Variants in PRKG1 observed in about 807,000 individuals in gnomAD.
PRKG1 encodes the protein protein kinase cGMP-dependent 1, also known as cGMP-dependent protein kinase 1.
A neutral mutation model predicts 88.1 loss-of-function variants in PRKG1; 35 were observed. The ratio of observed to expected loss-of-function variants is 0.40; its 90% CI spans 0.30 to 0.53. The LOEUF is 0.53. PRKG1 is among the 20% of genes least tolerant of loss of function. The probability of loss-of-function intolerance (pLI) is 0.59; values close to 1 mark genes in which losing one functional copy is unlikely to be tolerated. For missense variants in PRKG1, 540 were observed against 839.8 expected (o/e 0.64, Z 4.41); for synonymous variants, 303 against 292.5 (o/e 1.04, Z -0.37).
chr10:51,336,501 C>A (rs1424477131), intron 2 of PRKG1, among the ~76,000 whole-genome samples: 1 of 152,190 alleles, frequency 6.6e-6, no homozygotes, highest in Non-Finnish European at 1.5e-5. Context: ...TCCTCTCCCC[C>A]TCTTATGGCA....
intron 3 of PRKG1, among the ~76,000 whole-genome samples, chr10:51,702,328 A>C (rs1300235966): frequency 6.6e-6 from 1 of 152,176 alleles, no homozygotes; most frequent in African/African-American, 2.4e-5. Context: ...CCCACCATGT[A>C]ATTCCATGCC....
chr10:52,071,446 G>A (rs960403880), intron 7 of PRKG1, among the ~76,000 whole-genome samples: 29 of 152,238 alleles, frequency 1.9e-4, no homozygotes, highest in Non-Finnish European at 3.1e-4. Flanking sequence ...GCCTCCAGCT[G>A]CATCCTATGT....
chr10:52,213,494 C>T (rs1840034813), intron 9 of PRKG1, among the ~76,000 whole-genome samples: 1 of 152,198 alleles, frequency 6.6e-6, no homozygotes, highest in Non-Finnish European at 1.5e-5. Context: ...TTTAACATAG[C>T]AGCAATGCAT....
chr10:51,201,352 C>T (rs145766526), intron 2 of PRKG1, among the ~76,000 whole-genome samples: 6 of 151,868 alleles, frequency 4.0e-5, no homozygotes, highest in South Asian at 2.1e-4. Flanking sequence ...CTCAGGGGGC[C>T]GAGGCAGGAG....
chr10:52,191,508 T>A (rs1202404994), intron 9 of PRKG1, among the ~76,000 whole-genome samples: 1 of 152,102 alleles, frequency 6.6e-6, no homozygotes, highest in East Asian at 1.9e-4. Context: ...CTGGTGTAAA[T>A]CCACTCTTCC....
chr10:51,935,084 C>T (rs1842774512), intron 5 of PRKG1, among the ~76,000 whole-genome samples: 1 of 152,070 alleles, frequency 6.6e-6, no homozygotes, highest in African/African-American at 2.4e-5. Context: ...AAAACTACCT[C>T]TTCCTGCCCA....
At chr10:51,322,831 T>C (rs942827862) in intron 2 of PRKG1, among the ~76,000 whole-genome samples, 1 of 152,342 alleles carries the variant, frequency 6.6e-6, no homozygotes, top group African/African-American at 2.4e-5. Context: ...CAAAAGCTCA[T>C]GCACACTAAG....
intron 2 of PRKG1, among the ~76,000 whole-genome samples, chr10:51,277,043 A>G (rs1840142344): frequency 6.6e-6 from 1 of 152,202 alleles, no homozygotes; most frequent in Non-Finnish European, 1.5e-5. Flanking sequence ...GCCCATGCCT[A>G]TGTCCTGAAT....
At chr10:51,071,305 A>G (rs1490732753), upstream of PRKG1, among the ~76,000 whole-genome samples, 1 of 152,220 alleles carries the variant, frequency 6.6e-6, no homozygotes, top group African/African-American at 2.4e-5. Flanking sequence ...TCATTGAAAA[A>G]CATACTTAAA....
intron 5 of PRKG1, among the ~76,000 whole-genome samples, chr10:51,998,581 A>G (rs576967102): frequency 6.6e-6 from 1 of 152,206 alleles, no homozygotes; most frequent in South Asian, 2.1e-4. Context: ...ATGCTGTTGC[A>G]AACAGATGTC....
chr10:51,868,667 A>C (rs1841079944), intron 4 of PRKG1, among the ~76,000 whole-genome samples: 1 of 152,092 alleles, frequency 6.6e-6, no homozygotes, highest in Non-Finnish European at 1.5e-5. Flanking sequence ...TTGTGCCAAC[A>C]TACTTAGAGA....
chr10:51,051,543 T>A (rs1178569429), intron 1 of PRKG1, among the ~76,000 whole-genome samples: 4 of 152,116 alleles, frequency 2.6e-5, no homozygotes, highest in African/African-American at 9.7e-5. Context: ...CATTCAGAAA[T>A]CTTTTTTCTC....
At chr10:51,041,191 G>A (rs1196890161) in intron 1 of PRKG1, among the ~76,000 whole-genome samples, 1 of 152,074 alleles carries the variant, frequency 6.6e-6, no homozygotes, top group Non-Finnish European at 1.5e-5. Flanking sequence ...GGTGAATGAT[G>A]CCAGGCTCTA....
At position 51,749,415 on chromosome 10, in the gene PRKG1, G is replaced by A. The variant is rs1007131751; in HGVS notation, c.593-55170G>A. On this transcript the variant is annotated intron_variant, in intron 3 of 17. Transcript: ENST00000373980. ...CTGGCTTATAGACAGCCACCTTCTC[G>A]TTGGATGCTCACACAGCCTTCCCTT... Among the ~76,000 whole-genome samples, 9 of 152,190 alleles carry A rather than the reference G, an allele frequency of 5.9e-5. No individual in the cohort carries two copies. The South Asian group carries it at 1.0e-3, about 18-fold the overall frequency.
chr10:51,620,863 A>G (rs1330996433), intron 3 of PRKG1, among the ~76,000 whole-genome samples: 1 of 151,898 alleles, frequency 6.6e-6, no homozygotes, highest in South Asian at 2.1e-4. Flanking sequence ...TTTGACTGTC[A>G]TAAGTTTAGG....
At chr10:51,233,938 A>G (rs975876270) in intron 2 of PRKG1, among the ~76,000 whole-genome samples, 2 of 152,116 alleles carry the variant, frequency 1.3e-5, no homozygotes, top group African/African-American at 4.8e-5. Flanking sequence ...TTTTCTCAAG[A>G]GTCTGGAGAT....
At position 51,221,342 on chromosome 10, in the gene PRKG1, A is replaced by T. The variant is rs531118377; in HGVS notation, c.478+68012A>T. Among the ~76,000 whole-genome samples, 98 of 152,230 alleles carry T rather than the reference A, an allele frequency of 6.4e-4. 1 individual carries two copies. The South Asian group carries it at 0.02, about 31-fold the overall frequency. On this transcript the variant is annotated intron_variant, in intron 2 of 17. Coordinates refer to ENST00000373980, the MANE Select transcript of PRKG1 (RefSeq NM_006258.4). ...CAAGTGACTAAAGGGAGTTTAAATTATCTCTGTATTATTATGTCAGCCATC... is the reference window on the plus strand; with the variant it reads ...CAAGTGACTAAAGGGAGTTTAAATTTTCTCTGTATTATTATGTCAGCCATC...
chr10:51,428,793 C>G (rs183519832), intron 2 of PRKG1, among the ~76,000 whole-genome samples: 211 of 152,286 alleles, frequency 1.4e-3, no homozygotes, highest in African/African-American at 4.3e-3. Flanking sequence ...CAATAGTGAT[C>G]TGGGTGACAA....
intron 3 of PRKG1, among the ~76,000 whole-genome samples, chr10:51,726,440 T>A (rs1842134254): frequency 6.6e-6 from 1 of 152,258 alleles, no homozygotes; most frequent in African/African-American, 2.4e-5. Flanking sequence ...CTTGTGCATC[T>A]GCATTTGTGA....
Sources: allele counts gnomAD v4.1 joint callset (sites outside exome capture counted in the v4.1 genomes callset), GRCh38; gene constraint gnomAD v4.1.1; transcripts MANE v1.5; gene names NCBI Gene and HGNC (gene_info 2026-07-23, HGNC 2026-07-21).